The following COL15A1 variants were observed in gnomAD, a reference collection of about 807,000 sequenced individuals.
The protein encoded by COL15A1 is collagen alpha-1(XV) chain.
Under a neutral mutation model 165.9 loss-of-function variants are expected in COL15A1, and 111 were observed. That is an observed-to-expected ratio of 0.67 (90% CI 0.57 to 0.78). The LOEUF (loss-of-function observed/expected upper bound fraction) is 0.78, where lower values mean the gene tolerates loss of function less well. Among genes scored for constraint, COL15A1 ranks in the 30% least tolerant of loss-of-function variants. The pLI, the probability that COL15A1 is intolerant of heterozygous loss-of-function variation, is 0.00. For synonymous variants in COL15A1, 659 were observed against 674.8 expected (o/e 0.98, Z 0.36); for missense variants, 1,745 against 1,789.7 (o/e 0.98, Z 0.45).
intron 9 of COL15A1, among the ~76,000 whole-genome samples, chr9:99,011,241 AT>A (rs1838842888): frequency 6.6e-6 from 1 of 152,138 alleles, no homozygotes; most frequent in Non-Finnish European, 1.5e-5. Flanking sequence ...TTTTTTAAAA[AT>A]CAAAACCCAA....
chr9:99,024,403 G>A (rs1187389108), intron 14 of COL15A1, among the ~76,000 whole-genome samples: 1 of 151,116 alleles, frequency 6.6e-6, no homozygotes, highest in Non-Finnish European at 1.5e-5. Context: ...TCCGGCCTCA[G>A]CCTCCCGAGT....
chr9:98,944,718 T>A (rs553396899), intron 2 of COL15A1, among the ~76,000 whole-genome samples: 1 of 152,374 alleles, frequency 6.6e-6, no homozygotes, highest in African/African-American at 2.4e-5. Context: ...GGAACTGAAT[T>A]GCTCGGTTGC....
At chr9:99,051,108 G>A (rs559611353) in intron 30 of COL15A1, among the ~76,000 whole-genome samples, 54 of 152,318 alleles carry the variant, frequency 3.5e-4, no homozygotes, top group African/African-American at 1.3e-3. Flanking sequence ...TCACACAGGA[G>A]AGACCACACA....
At chr9:99,019,297 G>A (rs1456097611) in intron 11 of COL15A1, among the ~76,000 whole-genome samples, 6 of 152,150 alleles carry the variant, frequency 3.9e-5, no homozygotes, top group Admixed American at 1.3e-4. Flanking sequence ...AGGCTCAAGC[G>A]ATTCTCCTGC....
At chr9:98,968,621 CCTTAA>C (rs1331743975) in intron 2 of COL15A1, among the ~76,000 whole-genome samples, 7 of 152,134 alleles carry the variant, frequency 4.6e-5, no homozygotes, top group African/African-American at 1.2e-4. Flanking sequence ...ATCTCAAGAT[CCTTAA>C]CTTAATTACA....
intron 2 of COL15A1, among the ~76,000 whole-genome samples, chr9:98,962,169 A>G (rs1391779773): frequency 6.6e-6 from 1 of 152,194 alleles, no homozygotes; most frequent in African/African-American, 2.4e-5. Context: ...CTCTGTATTG[A>G]GAATGTGCAT....
chr9:99,048,157 C>T (rs1839525361), intron 28 of COL15A1, among the ~76,000 whole-genome samples, 157 bp downstream of exon 28: 1 of 152,210 alleles, frequency 6.6e-6, no homozygotes, highest in Non-Finnish European at 1.5e-5. Context: ...CCCTGTCCTT[C>T]AGCTCCCTCT....
intron 2 of COL15A1, among the ~76,000 whole-genome samples, chr9:98,950,444 C>A (rs1837661020): frequency 6.9e-6 from 1 of 144,900 alleles, no homozygotes; most frequent in African/African-American, 2.5e-5. Flanking sequence ...TTTTTTCTTT[C>A]TCCTTCCTTC....
chr9:99,067,202 T>C, intron 40 of COL15A1, 135 bp downstream of exon 40: 2 of 756,636 alleles, frequency 2.6e-6, no homozygotes, highest in Non-Finnish European at 4.2e-6. Context: ...TATGTCACTT[T>C]GGGTGGGTTC....
intron 16 of COL15A1, among the ~76,000 whole-genome samples, chr9:99,031,363 G>A (rs1440273409): frequency 6.6e-6 from 1 of 152,164 alleles, no homozygotes; most frequent in African/African-American, 2.4e-5. Flanking sequence ...CCCCAGGTGA[G>A]AGGCATTTGT....
chr9:98,961,509 C>G (rs1327541923), intron 2 of COL15A1, among the ~76,000 whole-genome samples: 1 of 152,044 alleles, frequency 6.6e-6, no homozygotes, highest in Non-Finnish European at 1.5e-5. Flanking sequence ...GTGGAATGTT[C>G]CAGATACAGA....
intron 24 of COL15A1, 110 bp downstream of exon 24, chr9:99,042,217 A>G: frequency 1.3e-6 from 1 of 756,568 alleles, no homozygotes; most frequent in Non-Finnish European, 2.2e-6. Context: ...TACAATTCAC[A>G]TGCCATAAAA....
intron 24 of COL15A1, among the ~76,000 whole-genome samples, chr9:99,043,475 T>C (rs10988660): frequency 0.15 from 22,211 of 152,130 alleles, 1,910 homozygotes; most frequent in East Asian, 0.35. Context: ...TCCTGCCACC[T>C]TGAATGACTG....
chr9:98,987,825 C>T (rs1032709603), intron 4 of COL15A1, among the ~76,000 whole-genome samples: 47 of 152,198 alleles, frequency 3.1e-4, no homozygotes, highest in South Asian at 2.1e-4. Flanking sequence ...GACTGAGCAC[C>T]TGCTGGGTGC....
Position 98,986,106 on chromosome 9 carries a change from A to T in COL15A1, c.642A>T (p.Arg214Ser), listed in dbSNP as rs1838309692. The T allele has an allele frequency of 6.2e-7, 1 of 1,611,252 alleles. No individual in the cohort carries two copies. The highest frequency in any genetic ancestry group is 8.5e-7 in the Non-Finnish European group (1 of 1,178,350). ...MGNAGATGLE[R>S]FTGSLQQLTV... is the part of the protein sequence containing the mutation. Reference sequence around the variant, plus strand: ...ATGCAGGAGCTACAGGGCTCGAGAGATTCACTGTGAGTTAAAGTCCCACTC... The same window carrying T: ...ATGCAGGAGCTACAGGGCTCGAGAGTTTCACTGTGAGTTAAAGTCCCACTC... Residue 214 changes from arginine to serine, a missense_variant, in exon 3 of 42, where the codon AGA becomes AGT. Physicochemically the swap from Arg to Ser is moderately radical, Grantham distance 110. Coordinates refer to ENST00000375001, the MANE Select transcript of COL15A1 (RefSeq NM_001855.5).
intron 26 of COL15A1, among the ~76,000 whole-genome samples, chr9:99,045,671 C>A (rs1389112939): frequency 6.6e-6 from 1 of 152,178 alleles, no homozygotes; most frequent in East Asian, 1.9e-4. Context: ...AAACTAAGGC[C>A]CAAGGAGGTT....
intron 9 of COL15A1, among the ~76,000 whole-genome samples, chr9:99,006,497 A>G (rs573428314): frequency 5.3e-5 from 8 of 152,292 alleles, no homozygotes; most frequent in Admixed American, 4.6e-4. Flanking sequence ...TCAGCCTTTT[A>G]GCATCCATGC....
chr9:99,044,520 G>T, intron 24 of COL15A1, 48 bp from the exon 25 acceptor site: 1 of 1,572,074 alleles, frequency 6.4e-7, no homozygotes, highest in South Asian at 1.1e-5. Flanking sequence ...TCTGGACAAG[G>T]TGGCAAGGAG....
chr9:98,957,507 A>AAG (rs1837796519), intron 2 of COL15A1, among the ~76,000 whole-genome samples: 2 of 152,164 alleles, frequency 1.3e-5, no homozygotes, highest in African/African-American at 4.8e-5. Flanking sequence ...TCTACTCCTT[A>AAG]GTGTGGCATT....
Sources: allele counts gnomAD v4.1 joint callset (sites outside exome capture counted in the v4.1 genomes callset), GRCh38; gene constraint gnomAD v4.1.1; transcripts MANE v1.5; gene names NCBI Gene and HGNC (gene_info 2026-07-23, HGNC 2026-07-21).